The following DPP6 variants were observed in gnomAD, a reference collection of about 807,000 sequenced individuals.
The protein encoded by DPP6 is dipeptidyl peptidase like 6, also known as A-type potassium channel modulatory protein DPP6.
DPP6 carries 69 observed loss-of-function variants against 122.6 expected under a neutral mutation model. The ratio of observed to expected loss-of-function variants is 0.56; its 90% CI spans 0.46 to 0.69. DPP6 has a LOEUF of 0.69. Among genes scored for constraint, DPP6 ranks in the 30% least tolerant of loss-of-function variants. The pLI is 0.00. For missense variants in DPP6, 928 were observed against 1,116.9 expected, an observed-to-expected ratio of 0.83 and a Z score of 2.41; for synonymous variants, 418 against 433.1, an observed-to-expected ratio of 0.97 and a Z score of 0.43.
chr7:154,662,138 G>A (rs1351526420), intron 6 of DPP6, among the ~76,000 whole-genome samples: 6 of 150,832 alleles, frequency 4.0e-5, no homozygotes, highest in Admixed American at 6.6e-5. Context: ...ATATAGTCAT[G>A]GTGAATCACC....
chr7:154,103,909 C>T (rs1190614672), intron 1 of DPP6, among the ~76,000 whole-genome samples: 3 of 152,298 alleles, frequency 2.0e-5, no homozygotes, highest in East Asian at 3.9e-4. Flanking sequence ...GCTGCATTGT[C>T]GGCTTCCCTG....
At chr7:153,886,029 A>T (rs138132240), upstream of DPP6, among the ~76,000 whole-genome samples, 1 of 151,768 alleles carries the variant, frequency 6.6e-6, no homozygotes, top group Non-Finnish European at 1.5e-5. Context: ...TTTTTTGTGA[A>T]TGTAAATAAT....
At chr7:154,594,401 T>G (rs1832969790) in intron 5 of DPP6, among the ~76,000 whole-genome samples, 1 of 152,196 alleles carries the variant, frequency 6.6e-6, no homozygotes, top group Non-Finnish European at 1.5e-5. Context: ...ATCCTCAGTT[T>G]CTTGCCCCAT....
At chr7:154,365,972 A>AAG (rs1554528267) in intron 1 of DPP6, among the ~76,000 whole-genome samples, 131 of 149,348 alleles carry the variant, frequency 8.8e-4, no homozygotes, top group African/African-American at 3.0e-3. Context: ...AAAAAAAAAA[A>AAG]AAAAAAAGTG....
At chr7:153,887,048 T>A (rs1054534141), upstream of DPP6, 7 of 152,112 alleles carry the variant, frequency 4.6e-5, no homozygotes, top group Admixed American at 4.6e-4. Context: ...ACCCAAACAG[T>A]TTGCGCTCGC....
intron 1 of DPP6, among the ~76,000 whole-genome samples, chr7:154,411,081 C>T (rs571825361): frequency 1.3e-5 from 2 of 152,252 alleles, no homozygotes; most frequent in African/African-American, 4.8e-5. Context: ...AAAGGACATC[C>T]GTCTCCACCT....
chr7:154,202,550 G>A (rs553987506), intron 1 of DPP6, among the ~76,000 whole-genome samples: 1 of 152,224 alleles, frequency 6.6e-6, no homozygotes, highest in African/African-American at 2.4e-5. Context: ...CAAACCGGAC[G>A]TGATTCCACT....
At chr7:154,736,932 T>C (rs1434688853) in intron 8 of DPP6, among the ~76,000 whole-genome samples, 1 of 152,212 alleles carries the variant, frequency 6.6e-6, no homozygotes, top group Non-Finnish European at 1.5e-5. Flanking sequence ...GAAAAACACC[T>C]GATTAACAAA....
At chr7:154,855,807 G>A (rs1269693332) in intron 17 of DPP6, among the ~76,000 whole-genome samples, 1 of 152,228 alleles carries the variant, frequency 6.6e-6, no homozygotes, top group African/African-American at 2.4e-5. Context: ...GTTGCATAGA[G>A]CCTCAACTGT....
chr7:154,769,577 C>G lies in DPP6; in HGVS notation c.1038+6C>G. On this transcript the variant is annotated splice_donor_region_variant and intron_variant, in intron 9 of 25. Coordinates refer to ENST00000377770, the MANE Select transcript of DPP6 (RefSeq NM_130797.4). ...AGCCCTACCACTATCCCAAGGTAGG[C>G]AAAGGGACACCGCACAGCAAATTCT... The G allele has an allele frequency of 6.3e-7, 1 of 1,591,850 alleles. No homozygotes were observed. The highest frequency in any genetic ancestry group is 8.6e-7 in the Non-Finnish European group (1 of 1,166,480).
chr7:153,843,844 T>C, the DPP6 span, among the ~76,000 whole-genome samples: 2 of 152,010 alleles, frequency 1.3e-5, no homozygotes, highest in African/African-American at 4.8e-5. Flanking sequence ...AAACAATCCA[T>C]AGAAACAGGA....
At chr7:154,873,509 C>A (rs1804563691) in intron 19 of DPP6, among the ~76,000 whole-genome samples, 1 of 152,172 alleles carries the variant, frequency 6.6e-6, no homozygotes, top group African/African-American at 2.4e-5. Flanking sequence ...AGTGCAACTA[C>A]CCCCTGAGTA....
the DPP6 span, among the ~76,000 whole-genome samples, chr7:153,838,670 C>T: frequency 2.0e-5 from 3 of 152,278 alleles, no homozygotes; most frequent in Non-Finnish European, 2.9e-5. Flanking sequence ...TTTATGTCAC[C>T]TCATTCCATC....
At chr7:153,842,622 C>T in the DPP6 span, among the ~76,000 whole-genome samples, 1 of 152,006 alleles carries the variant, frequency 6.6e-6, no homozygotes. Context: ...ATCTTCAAAC[C>T]ATCTGGGTTT....
chr7:154,708,900 C>A (rs1844215), intron 7 of DPP6, among the ~76,000 whole-genome samples: 3 of 151,786 alleles, frequency 2.0e-5, no homozygotes, highest in Non-Finnish European at 4.4e-5. Context: ...ATACAAAAAT[C>A]AGCTGGGCAT....
intron 1 of DPP6, among the ~76,000 whole-genome samples, chr7:153,966,554 CTTTTTTTTTTTTTTTT>C (rs753840054): frequency 1.2e-4 from 5 of 41,354 alleles, no homozygotes; most frequent in African/African-American, 3.8e-4. Flanking sequence ...CCTGTGTTGG[CTTTTTTTTTTTTTTTT>C]TTTTTTTTTT....
intron 1 of DPP6, among the ~76,000 whole-genome samples, chr7:154,265,338 G>C (rs1010476395): frequency 6.6e-6 from 1 of 152,160 alleles, no homozygotes; most frequent in Non-Finnish European, 1.5e-5. Flanking sequence ...AAGTCTCTCT[G>C]AAATGAAATG....
At chr7:154,072,558 A>G (rs1474295587) in intron 1 of DPP6, among the ~76,000 whole-genome samples, 1 of 152,288 alleles carries the variant, frequency 6.6e-6, no homozygotes, top group Non-Finnish European at 1.5e-5. Flanking sequence ...CACTGTTTCC[A>G]GTATCATTCT....
chr7:154,020,739 A>G (rs1329776918), intron 1 of DPP6, among the ~76,000 whole-genome samples: 5 of 152,264 alleles, frequency 3.3e-5, no homozygotes, highest in East Asian at 1.9e-4. Context: ...GAGACCTGCT[A>G]TGTAACACAT....
Sources: allele counts gnomAD v4.1 joint callset (sites outside exome capture counted in the v4.1 genomes callset), GRCh38; gene constraint gnomAD v4.1.1; transcripts MANE v1.5; gene names NCBI Gene and HGNC (gene_info 2026-07-23, HGNC 2026-07-21).